The following MPHOSPH9 variants were observed in gnomAD, a reference collection of about 807,000 sequenced individuals.
MPHOSPH9 encodes the protein M-phase phosphoprotein 9.
A neutral mutation model predicts 145.5 loss-of-function variants in MPHOSPH9; 88 were observed. The ratio of observed to expected loss-of-function variants is 0.60; its 90% CI spans 0.51 to 0.72. The LOEUF (loss-of-function observed/expected upper bound fraction) is 0.72. Ranked by LOEUF, MPHOSPH9 falls within the 30% of genes least tolerant of loss-of-function variation. MPHOSPH9 has a pLI of 0.00. For synonymous variants in MPHOSPH9, 435 were observed against 486.2 expected, an observed-to-expected ratio of 0.89 and a Z score of 1.39; for missense variants, 1,238 against 1,386.6, an observed-to-expected ratio of 0.89 and a Z score of 1.70.
intron 13 of MPHOSPH9, among the ~76,000 whole-genome samples, chr12:123,187,212 A>G (rs897808771): frequency 2.0e-5 from 3 of 152,120 alleles, no homozygotes; most frequent in Admixed American, 6.6e-5. Flanking sequence ...AGTAGCCAAG[A>G]TTGCGCCATT....
At chr12:123,223,943 T>G (rs10744149) in intron 3 of MPHOSPH9, among the ~76,000 whole-genome samples, 1 of 151,020 alleles carries the variant, frequency 6.6e-6, no homozygotes, top group Non-Finnish European at 1.5e-5. Flanking sequence ...TTATTTATTT[T>G]TTTTTTTGAG....
intron 8 of MPHOSPH9, among the ~76,000 whole-genome samples, chr12:123,207,847 C>T (rs2046505772): frequency 2.3e-5 from 3 of 128,988 alleles, no homozygotes; most frequent in South Asian, 2.6e-4. Context: ...AGCGAGACTC[C>T]GCCTCAAAGA....
Position 123,163,993 on chromosome 12 carries a change from T to C in MPHOSPH9, c.2865A>G (p.Arg955=). 6.2e-7 allele frequency: 1 copy of C among 1,614,056 alleles called. No individual in the cohort carries two copies. The highest frequency in any genetic ancestry group is 1.3e-5 in the African/African-American group (1 of 74,936). The change falls in exon 19 of 24, where the codon AGA becomes AGG. Residue 955 remains arginine (R), a synonymous_variant. Coordinates refer to ENST00000606320, the MANE Select transcript of MPHOSPH9 (RefSeq NM_022782.4). ...RQKRLNSASQ[R]SSSLPPSNRK... ...GATTTGAAGGTGGTAAAGATGATGA[T>C]CTCTGTGAGGCCGAATTAAGTCTCT...
intron 16 of MPHOSPH9, among the ~76,000 whole-genome samples, chr12:123,172,539 G>A (rs1469373655): frequency 6.6e-6 from 1 of 152,116 alleles, no homozygotes; most frequent in Non-Finnish European, 1.5e-5. Context: ...TGCCATGTTG[G>A]CCAGGCTGGT....
chr12:123,189,881 A>C (rs2045600521), intron 13 of MPHOSPH9, among the ~76,000 whole-genome samples: 1 of 151,722 alleles, frequency 6.6e-6, no homozygotes, highest in African/African-American at 2.4e-5. Context: ...GCTTGCAGTG[A>C]GCCGAGATGG....
In MPHOSPH9 at chr12:123,156,577, A is replaced by T. The variant is rs1342780440; in HGVS notation, c.*230T>A. 2.9e-6 allele frequency: 1 copy of T among 340,750 alleles called. No homozygotes were observed. Among genetic ancestry groups the T allele is most frequent in the African/African-American group, 2.1e-5 (1 of 47,574 alleles). The allele number at this position is 340,750 out of a possible 1,614,324, so 21.1% of individuals were successfully genotyped here. ...TATAAATTGGAGACAGATACTATTT[A>T]AAAATAATGCTTTTTAAATAGTAAA... On this transcript the variant is annotated 3_prime_UTR_variant, in exon 24 of 24. Coordinates refer to ENST00000606320, the MANE Select transcript of MPHOSPH9 (RefSeq NM_022782.4).
rs1437201269 is a variant in MPHOSPH9 at position 123,193,094 on chromosome 12, A to AT, written c.2241+1291_2241+1292insA. Among the ~76,000 whole-genome samples the AT allele has an allele frequency of 5.3e-3, 453 of 85,696 alleles. 24 individuals are homozygous for AT. The highest frequency in any genetic ancestry group is 7.4e-3 in the African/African-American group (155 of 21,054). The allele number at this position is 85,696 out of a possible 152,430, so 56.2% of individuals were successfully genotyped here. On this transcript the variant is annotated intron_variant, in intron 13 of 23. Transcript: ENST00000606320. ...TTCAAAAAAAAAAAAAAAAAAAAAAAAAATATATATATATACACACACACA... is the reference window on the plus strand; with the variant it reads ...TTCAAAAAAAAAAAAAAAAAAAAAAATAAATATATATATATACACACACACA...
At chr12:123,169,229 C>T (rs1484286514) in intron 16 of MPHOSPH9, among the ~76,000 whole-genome samples, 1 of 149,698 alleles carries the variant, frequency 6.7e-6, no homozygotes, top group Non-Finnish European at 1.5e-5. Flanking sequence ...GGCTCAGTGG[C>T]TCATGCCTAT....
At chr12:123,201,773 T>C (rs1226383318) in intron 11 of MPHOSPH9, among the ~76,000 whole-genome samples, 1 of 152,178 alleles carries the variant, frequency 6.6e-6, no homozygotes, top group Admixed American at 6.6e-5. Context: ...AAAATAGGTA[T>C]GAAGCTATCC....
At chr12:123,186,368 A>T (rs1482273112) in intron 13 of MPHOSPH9, among the ~76,000 whole-genome samples, 1 of 152,118 alleles carries the variant, frequency 6.6e-6, no homozygotes, top group Admixed American at 6.6e-5. Flanking sequence ...AAAAAAGTTT[A>T]TATCTCTATG....
intron 16 of MPHOSPH9, among the ~76,000 whole-genome samples, chr12:123,169,460 C>T (rs2044479238): frequency 6.6e-6 from 1 of 151,148 alleles, no homozygotes. Context: ...GATTGCACCA[C>T]TGCACTTCAG....
intron 5 of MPHOSPH9, among the ~76,000 whole-genome samples, chr12:123,218,926 CCTCT>C (rs10566082): frequency 0.025 from 3,840 of 151,670 alleles, 147 homozygotes; most frequent in African/African-American, 0.086. Flanking sequence ...TTTTAGAGAC[CCTCT>C]CTGTCACCCA....
At chr12:123,153,897 TTTC>T (rs1455002311), downstream of MPHOSPH9, among the ~76,000 whole-genome samples, 1 of 150,128 alleles carries the variant, frequency 6.7e-6, no homozygotes, top group African/African-American at 2.4e-5. Flanking sequence ...TGAAAGGAGT[TTTC>T]TTATTTCATC....
chr12:123,236,026 T>C (rs2047845128), upstream of MPHOSPH9, among the ~76,000 whole-genome samples: 2 of 152,032 alleles, frequency 1.3e-5, no homozygotes, highest in Admixed American at 1.3e-4. Context: ...ATGGTGCCAC[T>C]GCACTCCAGC....
chr12:123,209,056 C>G (rs1408961997), intron 8 of MPHOSPH9, among the ~76,000 whole-genome samples: 1 of 152,118 alleles, frequency 6.6e-6, no homozygotes, highest in African/African-American at 2.4e-5. Flanking sequence ...CCTCAGCCAC[C>G]TGAGCAGCTG....
chr12:123,183,415 G>T (rs2045284986), intron 13 of MPHOSPH9, among the ~76,000 whole-genome samples: 2 of 151,778 alleles, frequency 1.3e-5, no homozygotes, highest in Non-Finnish European at 2.9e-5. Flanking sequence ...AGGTGTGGTG[G>T]CACGTGCCTG....
At chr12:123,209,407 C>G (rs1054160880) in intron 8 of MPHOSPH9, among the ~76,000 whole-genome samples, 1 of 150,444 alleles carries the variant, frequency 6.6e-6, no homozygotes, top group African/African-American at 2.4e-5. Context: ...CAAACACACA[C>G]AGTTTTTTTT....
At position 123,155,630 on chromosome 12, in the gene MPHOSPH9, G is replaced by A. The variant is rs2043844706; in HGVS notation, c.*1177C>T. The A allele has an allele frequency of 6.6e-6, 1 of 152,154 alleles. No homozygotes were observed. The highest frequency in any genetic ancestry group is 2.1e-4 in the South Asian group (1 of 4,832). The allele number at this position is 152,154 out of a possible 1,614,324, so 9.4% of individuals were successfully genotyped here. ...TATGTGGGGCACTGCGTTCTGATTG[G>A]CTACCAAAAACTAAGTAGTTACACA... On this transcript the variant is annotated 3_prime_UTR_variant, in exon 24 of 24. Transcript: ENST00000606320.
intron 15 of MPHOSPH9, among the ~76,000 whole-genome samples, chr12:123,177,078 T>A (rs1302680843): frequency 6.6e-6 from 1 of 151,998 alleles, no homozygotes; most frequent in East Asian, 1.9e-4. Flanking sequence ...TAGTCCCAGC[T>A]ACTCGGGGGG....
Sources: allele counts gnomAD v4.1 joint callset (sites outside exome capture counted in the v4.1 genomes callset), GRCh38; gene constraint gnomAD v4.1.1; transcripts MANE v1.5; gene names NCBI Gene and HGNC (gene_info 2026-07-23, HGNC 2026-07-21).